ARHGAP32: variants seen among roughly 807,000 people sequenced by gnomAD.
ARHGAP32 encodes Rho GTPase activating protein 32, also known as rho GTPase-activating protein 32.
A neutral mutation model predicts 186.5 loss-of-function variants in ARHGAP32; 51 were observed. The observed-to-expected ratio is 0.27, with a 90% CI of 0.22 to 0.35. The LOEUF (loss-of-function observed/expected upper bound fraction) is 0.35, where lower values mean the gene tolerates loss of function less well. Among genes scored for constraint, ARHGAP32 ranks in the 10% least tolerant of loss-of-function variants. The pLI, the probability that ARHGAP32 is intolerant of heterozygous loss-of-function variation, is 1.00. For synonymous variants in ARHGAP32, 950 were observed against 964.3 expected (o/e 0.99, Z 0.27); for missense variants, 2,186 against 2,623.5 (o/e 0.83, Z 3.64).
rs571474700 is a variant in ARHGAP32, at chr11:129,103,123, A to C, written c.445-9416T>G. Among the ~76,000 whole-genome samples, 15 of 152,322 alleles carry C rather than the reference A, an allele frequency of 9.8e-5. No individual in the cohort carries two copies. In the South Asian group the frequency reaches 3.1e-3, roughly 32 times the overall value. ...TACAACAGGGATGAACACTGTGCTCATGTTAAATATACCAAACACAAAAAG... is the reference window on the plus strand; with the variant it reads ...TACAACAGGGATGAACACTGTGCTCCTGTTAAATATACCAAACACAAAAAG... On this transcript the variant is annotated intron_variant, in intron 5 of 22. Coordinates refer to ENST00000682385, the MANE Select transcript of ARHGAP32 (RefSeq NM_001378024.1).
chr11:129,109,486 T>G (rs1042749055), intron 5 of ARHGAP32, among the ~76,000 whole-genome samples: 1 of 152,102 alleles, frequency 6.6e-6, no homozygotes, highest in Non-Finnish European at 1.5e-5. Context: ...TTTAGTTTTT[T>G]GAGAAATCTC....
At chr11:129,145,959 C>T (rs1409771230) in intron 2 of ARHGAP32, among the ~76,000 whole-genome samples, 2 of 152,124 alleles carry the variant, frequency 1.3e-5, no homozygotes, top group African/African-American at 4.8e-5. Context: ...TCCAAACAAA[C>T]TGGCAAAAAT....
rs373473652 is a variant in ARHGAP32 at position 129,163,903 on chromosome 11, C to T, written c.225+416G>A. Among the ~76,000 whole-genome samples, 25 of 152,256 alleles carry T rather than the reference C, an allele frequency of 1.6e-4. No individual in the cohort carries two copies. In the East Asian group the frequency reaches 3.1e-3, roughly 19 times the overall value. Reference sequence around the variant, plus strand: ...TCATTTCTTTCTCATCCAGTTTCAGCCACACTATCCTATTTGTGTTTCTTC... The same window carrying T: ...TCATTTCTTTCTCATCCAGTTTCAGTCACACTATCCTATTTGTGTTTCTTC... On this transcript the variant is annotated intron_variant, in intron 2 of 22. Transcript: ENST00000682385.
intron 1 of ARHGAP32, among the ~76,000 whole-genome samples, chr11:129,254,161 T>C (rs1201944515): frequency 1.3e-5 from 2 of 152,050 alleles, no homozygotes; most frequent in African/African-American, 4.8e-5. Context: ...CATTTATTAA[T>C]TGAAAGGGGG....
upstream of ARHGAP32, among the ~76,000 whole-genome samples, chr11:129,193,710 T>TTATATATTATATATTATATATTATATAA (rs1944347015): frequency 2.7e-5 from 1 of 37,246 alleles, no homozygotes; most frequent in Non-Finnish European, 5.4e-5. Context: ...ATAATATATA[T>TTATATATTATATATTATATATTATATAA]TATATATTAT....
chr11:129,010,971 T>C (rs991794975), intron 11 of ARHGAP32, among the ~76,000 whole-genome samples: 3 of 152,188 alleles, frequency 2.0e-5, no homozygotes, highest in Admixed American at 2.0e-4. Flanking sequence ...GAATGGAAAG[T>C]GAATATTAAC....
intron 1 of ARHGAP32, among the ~76,000 whole-genome samples, chr11:129,228,440 C>T (rs1375604135): frequency 6.6e-6 from 1 of 151,996 alleles, no homozygotes; most frequent in Non-Finnish European, 1.5e-5. Context: ...TAAAAGGTAA[C>T]AAAATTGATT....
At chr11:129,234,985 T>G (rs939970014) in intron 1 of ARHGAP32, among the ~76,000 whole-genome samples, 1 of 152,182 alleles carries the variant, frequency 6.6e-6, no homozygotes, top group African/African-American at 2.4e-5. Context: ...CTGTAAAGAC[T>G]GCACTATTTA....
rs1409824563 is a variant in ARHGAP32, at chr11:128,986,683, A to C, written c.1299-15T>G. On this transcript the variant is annotated splice_polypyrimidine_tract_variant and intron_variant, in intron 13 of 22. Coordinates refer to ENST00000682385, the MANE Select transcript of ARHGAP32 (RefSeq NM_001378024.1). ...CAAATTCATGGCTGACGTAGACAGA[A>C]GAGGACAAGCAAATCATTTGATTGA... 1 of 1,612,670 alleles carries C rather than the reference A, an allele frequency of 6.2e-7. No homozygotes were observed. Among genetic ancestry groups the C allele is most frequent in the African/African-American group, 1.3e-5 (1 of 74,910 alleles).
chr11:129,193,548 TA>T (rs1944315076), upstream of ARHGAP32, among the ~76,000 whole-genome samples: 2 of 46,436 alleles, frequency 4.3e-5, no homozygotes, highest in Admixed American at 3.4e-4. Context: ...ATATTATATA[TA>T]ATATATATAT....
rs529911501 is a variant in ARHGAP32 at position 129,046,197 on chromosome 11, A to C, written c.964-5188T>G. ...TGGAAAGAGAAGCAGAAGGGCACTCAGTTATACAGTATTGAAAGCATACAG... is the reference window on the plus strand; with the variant it reads ...TGGAAAGAGAAGCAGAAGGGCACTCCGTTATACAGTATTGAAAGCATACAG... On this transcript the variant is annotated intron_variant, in intron 10 of 22. Coordinates refer to ENST00000682385, the MANE Select transcript of ARHGAP32 (RefSeq NM_001378024.1). Among the ~76,000 whole-genome samples the C allele has an allele frequency of 2.6e-5, 4 of 152,358 alleles. No individual in the cohort carries two copies. The South Asian group carries it at 8.3e-4, about 32-fold the overall frequency.
chr11:129,068,550 A>C (rs1940769374), intron 6 of ARHGAP32, among the ~76,000 whole-genome samples: 1 of 152,022 alleles, frequency 6.6e-6, no homozygotes, highest in Non-Finnish European at 1.5e-5. Context: ...ACTGCCCCCA[A>C]ATCCTTGCAA....
At chr11:129,228,115 C>G (rs1944810262) in intron 1 of ARHGAP32, among the ~76,000 whole-genome samples, 1 of 152,046 alleles carries the variant, frequency 6.6e-6, no homozygotes, top group African/African-American at 2.4e-5. Flanking sequence ...ATTAAACTCA[C>G]TCCTAAATAA....
chr11:129,017,269 C>T lies in ARHGAP32; in HGVS notation c.1046-18801G>A, dbSNP rs150828112. On this transcript the variant is annotated intron_variant, in intron 11 of 22. Transcript: ENST00000682385. ...AGGAGTTCGAGACCAGCCTGGCCAA[C>T]ATGGCGAAAACCTGTCTCTACTAAA... Among the ~76,000 whole-genome samples, 805 of 152,206 alleles carry T rather than the reference C, an allele frequency of 5.3e-3. 10 individuals carry two copies. The highest frequency in any genetic ancestry group is 0.019 in the African/African-American group (769 of 41,542).
intron 11 of ARHGAP32, among the ~76,000 whole-genome samples, chr11:129,001,388 T>C (rs1292844162): frequency 6.6e-6 from 1 of 152,254 alleles, no homozygotes; most frequent in East Asian, 1.9e-4. Flanking sequence ...GTATCTTTTA[T>C]ACACCTACTT....
chr11:128,974,434 T>C lies in ARHGAP32; in HGVS notation c.2763A>G (p.Ile921Met). 6.2e-7 allele frequency: 1 copy of C among 1,614,224 alleles called. No individual in the cohort carries two copies. Among genetic ancestry groups the C allele is most frequent in the Non-Finnish European group, 8.5e-7 (1 of 1,180,030 alleles). ...RKLSKSPSMS[I>M]SEPISVTLPP... ...GTAGGGTCACTGAAATTGGCTCAGA[T>C]ATGCTCATAGAAGGTGATTTGCTTA... is the stretch of plus-strand genomic sequence containing the variant. The change falls in exon 21 of 23, where the codon ATA becomes ATG. Residue 921 changes from isoleucine (I) to methionine (M), a missense_variant. Ile to Met is a conservative substitution (Grantham distance 10). Coordinates refer to ENST00000682385, the MANE Select transcript of ARHGAP32 (RefSeq NM_001378024.1).
At chr11:129,076,128 G>T (rs1591592856) in intron 6 of ARHGAP32, among the ~76,000 whole-genome samples, 1 of 152,156 alleles carries the variant, frequency 6.6e-6, no homozygotes, top group East Asian at 1.9e-4. Flanking sequence ...GTTTACAAAT[G>T]AGATAACAAC....
chr11:129,042,235 C>T (rs1272586775), intron 10 of ARHGAP32, among the ~76,000 whole-genome samples: 1 of 152,278 alleles, frequency 6.6e-6, no homozygotes, highest in Middle Eastern at 3.4e-3. Flanking sequence ...ACTGCAGCCT[C>T]GATCCCCCAG....
At chr11:128,976,709 T>G (rs1483791603) in intron 19 of ARHGAP32, 75 bp from the exon 20 acceptor site, 3 of 1,275,472 alleles carry the variant, frequency 2.4e-6, no homozygotes, top group South Asian at 1.2e-5. Flanking sequence ...GGTGTTTTTC[T>G]TGATACATTT....
Sources: gnomAD v4.1 joint callset for allele counts (sites outside exome capture counted in the v4.1 genomes callset) on GRCh38, gnomAD v4.1.1 for gene constraint, MANE v1.5 for transcripts, NCBI Gene and HGNC (gene_info 2026-07-23, HGNC 2026-07-21) for gene names.